The following LINGO2 variants were observed in gnomAD, a reference collection of about 807,000 sequenced individuals.
LINGO2 encodes the protein leucine rich repeat and Ig domain containing 2, also known as leucine-rich repeat and immunoglobulin-like domain-containing nogo receptor-interacting protein 2.
In LINGO2, 14 loss-of-function variants were observed where a neutral mutation model predicts 30.6. The ratio of observed to expected loss-of-function variants is 0.46; its 90% CI spans 0.30 to 0.72. LINGO2 has a LOEUF of 0.72. Ranked by LOEUF, LINGO2 falls within the 30% of genes least tolerant of loss-of-function variation. LINGO2 has a pLI of 0.07. For missense variants in LINGO2, 729 were observed against 751.7 expected (o/e 0.97, Z 0.35); for synonymous variants, 317 against 288.5 (o/e 1.10, Z -1.00).
chr9:29,130,864 G>T, the LINGO2 span, among the ~76,000 whole-genome samples: 5 of 151,938 alleles, frequency 3.3e-5, no homozygotes, highest in Non-Finnish European at 7.4e-5. Flanking sequence ...AAATACTAAG[G>T]TTAGATAGTT....
At chr9:28,701,824 A>G in the LINGO2 span, among the ~76,000 whole-genome samples, 1 of 152,090 alleles carries the variant, frequency 6.6e-6, no homozygotes, top group East Asian at 1.9e-4. Context: ...TCAGTTTAAT[A>G]GTTTTCCTCA....
intron 4 of LINGO2, among the ~76,000 whole-genome samples, chr9:28,032,900 CTTCTT>C (rs1823752266): frequency 6.6e-6 from 1 of 152,182 alleles, no homozygotes; most frequent in South Asian, 2.1e-4. Context: ...AGGCGGCTGC[CTTCTT>C]TTGTCTGAGA....
At chr9:28,157,529 A>ATTT (rs1331514526) in intron 4 of LINGO2, among the ~76,000 whole-genome samples, 1 of 152,160 alleles carries the variant, frequency 6.6e-6, no homozygotes, top group Non-Finnish European at 1.5e-5. Flanking sequence ...TGTATTGGGG[A>ATTT]TTAACATTTG....
At chr9:27,960,095 A>T (rs533075801) in intron 5 of LINGO2, among the ~76,000 whole-genome samples, 110 of 152,152 alleles carry the variant, frequency 7.2e-4, no homozygotes, top group Non-Finnish European at 8.4e-4. Context: ...TTCATTCCTT[A>T]ATTTTCAGAA....
At chr9:28,369,998 G>A (rs1421935211) in intron 3 of LINGO2, among the ~76,000 whole-genome samples, 1 of 152,118 alleles carries the variant, frequency 6.6e-6, no homozygotes, top group Non-Finnish European at 1.5e-5. Flanking sequence ...ACGACACTTT[G>A]AGTGTGAAAA....
At chr9:28,250,382 C>T (rs1227370736) in intron 4 of LINGO2, among the ~76,000 whole-genome samples, 1 of 152,156 alleles carries the variant, frequency 6.6e-6, no homozygotes, top group Non-Finnish European at 1.5e-5. Flanking sequence ...GAATTTAGCA[C>T]AGTGGTGAGT....
chr9:28,705,723 T>A, the LINGO2 span, among the ~76,000 whole-genome samples: 4 of 152,164 alleles, frequency 2.6e-5, no homozygotes, highest in Non-Finnish European at 5.9e-5. Flanking sequence ...CTCGCTGGAC[T>A]ATTTTACTCT....
intron 2 of LINGO2, among the ~76,000 whole-genome samples, chr9:28,469,498 A>T (rs1271520653): frequency 6.6e-6 from 1 of 152,122 alleles, no homozygotes. Flanking sequence ...GAATAAAGAG[A>T]TTCACAAGAA....
At chr9:28,635,967 C>T (rs1170888939) in intron 1 of LINGO2, among the ~76,000 whole-genome samples, 1 of 152,030 alleles carries the variant, frequency 6.6e-6, no homozygotes, top group African/African-American at 2.4e-5. Flanking sequence ...AATGCTATCC[C>T]TCCCCACTCT....
the LINGO2 span, among the ~76,000 whole-genome samples, chr9:29,128,153 A>G: frequency 2.9e-4 from 44 of 152,230 alleles, no homozygotes; most frequent in African/African-American, 1.1e-3. Flanking sequence ...GGGAAAACAT[A>G]CAAAGTGGCA....
intron 1 of LINGO2, among the ~76,000 whole-genome samples, chr9:28,601,100 C>A (rs1047082125): frequency 6.6e-6 from 1 of 152,068 alleles, no homozygotes; most frequent in Admixed American, 6.6e-5. Context: ...CCTAGCAAGG[C>A]ATTTTCAAGT....
the LINGO2 span, among the ~76,000 whole-genome samples, chr9:29,158,230 C>A: frequency 6.6e-6 from 1 of 151,370 alleles, no homozygotes; most frequent in Non-Finnish European, 1.5e-5. Flanking sequence ...GTGATTCATG[C>A]CTGTAGTCCC....
chr9:28,516,335 T>C (rs928899003), intron 1 of LINGO2, among the ~76,000 whole-genome samples: 3 of 152,220 alleles, frequency 2.0e-5, no homozygotes, highest in Non-Finnish European at 4.4e-5. Context: ...CTTCACTCTC[T>C]TTACAGAGAG....
chr9:29,009,641 A>G, the LINGO2 span, among the ~76,000 whole-genome samples: 99 of 152,344 alleles, frequency 6.5e-4, no homozygotes, highest in African/African-American at 2.2e-3. Context: ...ATCCCCATTA[A>G]GCTACCAATG....
chr9:28,166,800 C>CA (rs1266327296), intron 4 of LINGO2, among the ~76,000 whole-genome samples: 1 of 151,164 alleles, frequency 6.6e-6, no homozygotes, highest in Non-Finnish European at 1.5e-5. Flanking sequence ...AACAAACAAA[C>CA]AAAAAAATCA....
At chr9:28,362,869 T>C (rs1820506729) in intron 3 of LINGO2, among the ~76,000 whole-genome samples, 1 of 152,200 alleles carries the variant, frequency 6.6e-6, no homozygotes, top group African/African-American at 2.4e-5. Context: ...ACAAGACTAA[T>C]TTGGTTCTAA....
At chr9:28,343,172 G>C (rs1046849092) in intron 3 of LINGO2, among the ~76,000 whole-genome samples, 2 of 152,144 alleles carry the variant, frequency 1.3e-5, no homozygotes, top group Non-Finnish European at 2.9e-5. Flanking sequence ...TAGAAATCTA[G>C]AATATCCCTC....
chr9:29,062,241 A>C, the LINGO2 span, among the ~76,000 whole-genome samples: 1 of 152,114 alleles, frequency 6.6e-6, no homozygotes, highest in African/African-American at 2.4e-5. Flanking sequence ...GTTGCTGGGG[A>C]TATAAAATGG....
chr9:28,955,111 G>A, the LINGO2 span, among the ~76,000 whole-genome samples: 1 of 152,090 alleles, frequency 6.6e-6, no homozygotes, highest in Admixed American at 6.6e-5. Context: ...AATAAATATA[G>A]GGAGAGAAGG....
Sources: gnomAD v4.1 joint callset for allele counts (sites outside exome capture counted in the v4.1 genomes callset) on GRCh38, gnomAD v4.1.1 for gene constraint, MANE v1.5 for transcripts, NCBI Gene and HGNC (gene_info 2026-07-23, HGNC 2026-07-21) for gene names.